NPAS3: variants seen among roughly 807,000 people sequenced by gnomAD.
NPAS3 encodes neuronal PAS domain protein 3, also known as neuronal PAS domain-containing protein 3.
Under a neutral mutation model 73.1 loss-of-function variants are expected in NPAS3, and 14 were observed. The observed-to-expected ratio is 0.19, with a 90% CI of 0.13 to 0.30. The LOEUF (loss-of-function observed/expected upper bound fraction) is 0.30, where lower values mean the gene tolerates loss of function less well. Among genes scored for constraint, NPAS3 ranks in the 10% least tolerant of loss-of-function variants. The pLI, the probability that NPAS3 is intolerant of heterozygous loss-of-function variation, is 1.00. For missense variants in NPAS3, 1,096 were observed against 1,250.0 expected (o/e 0.88, Z 1.86); for synonymous variants, 620 against 541.5 (o/e 1.14, Z -2.01).
intron 4 of NPAS3, among the ~76,000 whole-genome samples, chr14:33,447,266 T>A (rs2139343543): frequency 6.6e-6 from 1 of 152,320 alleles, no homozygotes; most frequent in African/African-American, 2.4e-5. Flanking sequence ...ATGAGAGAAT[T>A]CTAAATGCAA....
chr14:33,749,760 G>A (rs1409476538), intron 7 of NPAS3, among the ~76,000 whole-genome samples: 2 of 152,142 alleles, frequency 1.3e-5, no homozygotes, highest in Admixed American at 1.3e-4. Context: ...AGTAGACACA[G>A]ATTGATGCAG....
chr14:33,333,309 A>G (rs766762483), intron 3 of NPAS3, among the ~76,000 whole-genome samples: 1 of 152,192 alleles, frequency 6.6e-6, no homozygotes, highest in Non-Finnish European at 1.5e-5. Flanking sequence ...AAAATTGTGC[A>G]GTTGCCCTGG....
Position 32,951,693 on chromosome 14 carries a change from A to G in NPAS3, c.50+12327A>G, listed in dbSNP as rs527848695. On this transcript the variant is annotated intron_variant, in intron 1 of 11. Coordinates refer to ENST00000356141, the Ensembl canonical transcript of NPAS3. ...TGAAGAAGGAAGTTAACAATGTAAT[A>G]TTTGATGGATAGGCAACTGCTTAAG... 4.2e-4 allele frequency among the ~76,000 whole-genome samples: 64 copies of G among 152,286 alleles called. 2 individuals are homozygous for G. The highest frequency in any genetic ancestry group is 1.5e-3 in the African/African-American group (64 of 41,580).
chr14:33,440,821 G>A (rs12432018), intron 4 of NPAS3, among the ~76,000 whole-genome samples: 27,363 of 151,880 alleles, frequency 0.18, 2,735 homozygotes, highest in East Asian at 0.42. Context: ...TCAACCCCGG[G>A]GGGCAGAGGT....
chr14:33,773,974 G>A (rs1027008051), intron 7 of NPAS3, among the ~76,000 whole-genome samples: 5 of 152,198 alleles, frequency 3.3e-5, no homozygotes, highest in Non-Finnish European at 7.3e-5. Flanking sequence ...CCTGGAGAGA[G>A]ACAGATGTCG....
At chr14:33,168,202 T>C (rs996169788) in intron 2 of NPAS3, among the ~76,000 whole-genome samples, 5 of 152,150 alleles carry the variant, frequency 3.3e-5, no homozygotes, top group Admixed American at 2.6e-4. Context: ...CTCTAAAATA[T>C]GCAAACATTA....
chr14:33,666,876 T>C lies in NPAS3; in HGVS notation c.559-9335T>C, dbSNP rs74821420. Among the ~76,000 whole-genome samples the C allele has an allele frequency of 4.1e-3, 621 of 152,336 alleles. 10 individuals carry two copies. The highest frequency in any genetic ancestry group is 0.032 in the East Asian group (164 of 5,188). The stretch of plus-strand genomic sequence containing the variant: ...ACATTTCTTTATTTCTGTTATCTTT[T>C]ACTATCTTATACCTCTTCCCTTTCA... On this transcript the variant is annotated intron_variant, in intron 5 of 11. Transcript: ENST00000356141.
intron 4 of NPAS3, among the ~76,000 whole-genome samples, chr14:33,381,052 G>T (rs1209349663): frequency 6.6e-6 from 1 of 151,824 alleles, no homozygotes; most frequent in Non-Finnish European, 1.5e-5. Context: ...AAATACAAAG[G>T]CAAATGATAA....
At chr14:33,456,643 A>T (rs893290575) in intron 4 of NPAS3, among the ~76,000 whole-genome samples, 1 of 152,170 alleles carries the variant, frequency 6.6e-6, no homozygotes, top group African/African-American at 2.4e-5. Flanking sequence ...ATAACGACTC[A>T]TATATTAGAC....
chr14:33,670,784 C>G (rs187529801), intron 5 of NPAS3, among the ~76,000 whole-genome samples: 34 of 152,098 alleles, frequency 2.2e-4, no homozygotes, highest in African/African-American at 7.9e-4. Flanking sequence ...CAAACAGAGT[C>G]CTCCCTCAGG....
intron 5 of NPAS3, among the ~76,000 whole-genome samples, chr14:33,645,029 T>A (rs2058786468): frequency 6.8e-6 from 1 of 146,546 alleles, no homozygotes; most frequent in Non-Finnish European, 1.5e-5. Context: ...TGCAATGAGC[T>A]GAGATTGCAC....
chr14:33,778,691 A>T (rs2062893797), intron 9 of NPAS3, 119 bp downstream of exon 9: 1 of 672,000 alleles, frequency 1.5e-6, no homozygotes, highest in Non-Finnish European at 2.7e-6. Flanking sequence ...GATGACTGTC[A>T]GTGTGCAGTG....
At chr14:32,963,932 A>G (rs2037037903) in intron 1 of NPAS3, among the ~76,000 whole-genome samples, 1 of 152,006 alleles carries the variant, frequency 6.6e-6, no homozygotes, top group Non-Finnish European at 1.5e-5. Flanking sequence ...GGTCTGAGAC[A>G]CCATTAATTA....
At chr14:33,159,246 C>CT (rs1176263970) in intron 2 of NPAS3, among the ~76,000 whole-genome samples, 6 of 152,118 alleles carry the variant, frequency 3.9e-5, no homozygotes, top group African/African-American at 1.2e-4. Context: ...GACCCACTAC[C>CT]TAAAGCTAAC....
Position 33,646,965 on chromosome 14 carries a change from G to GAGAT in NPAS3, c.559-29243_559-29240dup, listed in dbSNP as rs561790713. 3.8e-4 allele frequency among the ~76,000 whole-genome samples: 58 copies of GAGAT among 152,298 alleles called. No individual in the cohort carries two copies. In the East Asian group the frequency reaches 8.7e-3, roughly 23 times the overall value. On this transcript the variant is annotated intron_variant, in intron 5 of 11. Coordinates refer to ENST00000356141, the Ensembl canonical transcript of NPAS3. ...GTGCCTACATTGTGGTAGCAACAAG[G>GAGAT]AGATAGTGTTTCACAGTAGGAGCTG...
chr14:33,392,004 C>A (rs545159243), intron 4 of NPAS3, among the ~76,000 whole-genome samples: 1 of 152,212 alleles, frequency 6.6e-6, no homozygotes, highest in Non-Finnish European at 1.5e-5. Context: ...ATTTCTGGAG[C>A]TGGATTTTCA....
At chr14:33,090,436 G>T (rs934045580) in intron 2 of NPAS3, among the ~76,000 whole-genome samples, 1 of 152,120 alleles carries the variant, frequency 6.6e-6, no homozygotes, top group Non-Finnish European at 1.5e-5. Context: ...TCAATTCAAT[G>T]AGAAGAGCTA....
chr14:33,088,775 C>G (rs1377322982), intron 2 of NPAS3, among the ~76,000 whole-genome samples: 1 of 152,214 alleles, frequency 6.6e-6, no homozygotes, highest in East Asian at 1.9e-4. Context: ...AGGAACCCCC[C>G]AGTAGGGGCA....
At chr14:33,636,997 C>CTTTGT (rs1209078075) in intron 5 of NPAS3, among the ~76,000 whole-genome samples, 1 of 152,062 alleles carries the variant, frequency 6.6e-6, no homozygotes, top group Non-Finnish European at 1.5e-5. Flanking sequence ...TTACATCTAT[C>CTTTGT]TTTGTTTTCT....
Sources: gnomAD v4.1 joint callset for allele counts (sites outside exome capture counted in the v4.1 genomes callset) on GRCh38, gnomAD v4.1.1 for gene constraint, MANE v1.5 for transcripts, NCBI Gene and HGNC (gene_info 2026-07-23, HGNC 2026-07-21) for gene names.